Variants in LINGO2 observed in about 807,000 individuals in gnomAD.
The protein encoded by LINGO2 is leucine-rich repeat and immunoglobulin-like domain-containing nogo receptor-interacting protein 2.
Under a neutral mutation model 30.6 loss-of-function variants are expected in LINGO2, and 14 were observed. The observed-to-expected ratio is 0.46, with a 90% confidence interval of 0.30 to 0.72. The LOEUF is 0.72. Among genes scored for constraint, LINGO2 ranks in the 30% least tolerant of loss-of-function variants. The pLI is 0.07. For synonymous variants in LINGO2, 317 were observed against 288.5 expected (o/e 1.10, Z -1.00); for missense variants, 729 against 751.7 (o/e 0.97, Z 0.35).
At chr9:28,055,077 C>G (rs910105572) in intron 4 of LINGO2, among the ~76,000 whole-genome samples, 1 of 151,982 alleles carries the variant, frequency 6.6e-6, no homozygotes, top group Non-Finnish European at 1.5e-5. Flanking sequence ...AGATGGTAAT[C>G]AAAAATTTCC....
the LINGO2 span, among the ~76,000 whole-genome samples, chr9:28,950,108 G>A: frequency 3.9e-5 from 6 of 152,302 alleles, no homozygotes; most frequent in East Asian, 3.9e-4. Flanking sequence ...ATCAATAAAC[G>A]TAATCCACCA....
chr9:27,981,534 C>CA (rs763284293), intron 5 of LINGO2, among the ~76,000 whole-genome samples: 5,209 of 39,208 alleles, frequency 0.13, 454 homozygotes, highest in African/African-American at 0.15. Flanking sequence ...ACGAGGATGG[C>CA]AAAAAAAAAA....
At chr9:28,666,895 T>A (rs1342674344) in intron 1 of LINGO2, among the ~76,000 whole-genome samples, 1 of 152,150 alleles carries the variant, frequency 6.6e-6, no homozygotes, top group African/African-American at 2.4e-5. Context: ...AGTAACAGAA[T>A]GAAAATACAA....
At chr9:28,919,762 C>G in the LINGO2 span, among the ~76,000 whole-genome samples, 2 of 151,960 alleles carry the variant, frequency 1.3e-5, no homozygotes, top group Admixed American at 1.3e-4. Context: ...ACATTATAGA[C>G]ATTTCTAAAA....
chr9:28,601,434 G>A (rs1825467574), intron 1 of LINGO2, among the ~76,000 whole-genome samples: 1 of 152,092 alleles, frequency 6.6e-6, no homozygotes, highest in Admixed American at 6.6e-5. Context: ...GTTGAAAAAT[G>A]TGTTGATTCA....
At chr9:29,179,158 AATATAT>A in the LINGO2 span, among the ~76,000 whole-genome samples, 6,085 of 100,904 alleles carry the variant, frequency 0.06, 157 homozygotes, top group Non-Finnish European at 0.066. Flanking sequence ...TCTTACTGTA[AATATAT>A]ATATATATAT....
intron 3 of LINGO2, among the ~76,000 whole-genome samples, chr9:28,357,568 T>G (rs757024837): frequency 5.9e-5 from 9 of 152,060 alleles, no homozygotes; most frequent in Non-Finnish European, 8.8e-5. Context: ...TATAACCATA[T>G]AGTATAAGCA....
chr9:28,497,874 A>T (rs541975216), intron 1 of LINGO2, among the ~76,000 whole-genome samples: 106 of 152,218 alleles, frequency 7.0e-4, no homozygotes, highest in African/African-American at 2.4e-3. Context: ...TTTCCTTCTA[A>T]CAGTCAGCAC....
chr9:27,954,840 T>C (rs1819489620), intron 5 of LINGO2, among the ~76,000 whole-genome samples: 1 of 152,214 alleles, frequency 6.6e-6, no homozygotes, highest in Admixed American at 6.5e-5. Flanking sequence ...TTTACCATAG[T>C]GGCTGTAGTA....
At chr9:28,656,503 T>A (rs1448549483) in intron 1 of LINGO2, among the ~76,000 whole-genome samples, 1 of 152,006 alleles carries the variant, frequency 6.6e-6, no homozygotes, top group East Asian at 1.9e-4. Context: ...CCAAAACGCA[T>A]AACTGAATCT....
chr9:28,325,609 G>A (rs989425313), intron 3 of LINGO2, among the ~76,000 whole-genome samples: 4 of 152,076 alleles, frequency 2.6e-5, no homozygotes, highest in Non-Finnish European at 5.9e-5. Flanking sequence ...GTTTTATAAG[G>A]GATTTCCCTT....
chr9:28,987,077 T>TG, the LINGO2 span, among the ~76,000 whole-genome samples: 657 of 150,274 alleles, frequency 4.4e-3, 4 homozygotes, highest in Non-Finnish European at 7.2e-3. Context: ...AACAGGTTTT[T>TG]TTTTTTTTTT....
At chr9:27,999,436 C>CAGAGAGAGAGAGAGAGAGAGAGAG (rs36216761) in intron 5 of LINGO2, among the ~76,000 whole-genome samples, 48 of 143,762 alleles carry the variant, frequency 3.3e-4, no homozygotes, top group African/African-American at 1.1e-3. Flanking sequence ...GCCTAATCTT[C>CAGAGAGAGAGAGAGAGAGAGAGAG]AGAGAGAGAG....
intron 2 of LINGO2, among the ~76,000 whole-genome samples, chr9:28,378,952 T>G (rs1197419811): frequency 6.6e-6 from 1 of 152,018 alleles, no homozygotes; most frequent in Non-Finnish European, 1.5e-5. Context: ...TACATTACAT[T>G]TAACATCACA....
At chr9:28,132,695 G>A (rs1827411043) in intron 4 of LINGO2, among the ~76,000 whole-genome samples, 1 of 152,196 alleles carries the variant, frequency 6.6e-6, no homozygotes, top group African/African-American at 2.4e-5. Flanking sequence ...AACTACAGCT[G>A]CTTCTGGTTT....
intron 2 of LINGO2, among the ~76,000 whole-genome samples, chr9:28,396,559 C>G (rs1048360000): frequency 1.3e-5 from 2 of 151,780 alleles, no homozygotes; most frequent in Non-Finnish European, 2.9e-5. Context: ...AAAAAATTAG[C>G]CGGGCATGGT....
At chr9:28,282,010 T>A (rs1441495419) in intron 4 of LINGO2, among the ~76,000 whole-genome samples, 1 of 152,066 alleles carries the variant, frequency 6.6e-6, no homozygotes, top group Non-Finnish European at 1.5e-5. Flanking sequence ...CAATGTCCAG[T>A]CACGGAGTTC....
At chr9:28,870,093 T>G in the LINGO2 span, among the ~76,000 whole-genome samples, 1 of 152,014 alleles carries the variant, frequency 6.6e-6, no homozygotes, top group Non-Finnish European at 1.5e-5. Flanking sequence ...TGTTACTTTA[T>G]TTTCCCATTT....
chr9:28,049,074 C>T (rs1161328440), intron 4 of LINGO2, among the ~76,000 whole-genome samples: 1 of 150,990 alleles, frequency 6.6e-6, no homozygotes, highest in Non-Finnish European at 1.5e-5. Flanking sequence ...AATTCCTCTT[C>T]TGTAACAGAG....
Sources: gnomAD v4.1 joint callset for allele counts (sites outside exome capture counted in the v4.1 genomes callset) on GRCh38, gnomAD v4.1.1 for gene constraint, MANE v1.5 for transcripts, NCBI Gene and HGNC (gene_info 2026-07-23, HGNC 2026-07-21) for gene names.